SLC39A12: variants seen among roughly 807,000 people sequenced by gnomAD.
SLC39A12 encodes the protein zinc transporter ZIP12.
A neutral mutation model predicts 71.1 loss-of-function variants in SLC39A12; 63 were observed. That is an observed-to-expected ratio of 0.89 (90% CI 0.72 to 1.09). The LOEUF (loss-of-function observed/expected upper bound fraction) is 1.09, where lower values mean the gene tolerates loss of function less well. Ranked by LOEUF, SLC39A12 falls within the 50% of genes least tolerant of loss-of-function variation. The probability of loss-of-function intolerance (pLI) is 0.00; values close to 1 mark genes in which losing one functional copy is unlikely to be tolerated. For missense variants in SLC39A12, 892 were observed against 812.6 expected, an observed-to-expected ratio of 1.10 and a Z score of -1.19; for synonymous variants, 351 against 301.3, an observed-to-expected ratio of 1.16 and a Z score of -1.71.
chr10:18,016,582 A>G (rs1337990967), intron 12 of SLC39A12, among the ~76,000 whole-genome samples: 1 of 152,198 alleles, frequency 6.6e-6, no homozygotes, highest in Non-Finnish European at 1.5e-5. Flanking sequence ...TTGCTGGATT[A>G]CATGATAAGT....
chr10:18,014,732 AT>A (rs1483306722), intron 12 of SLC39A12, among the ~76,000 whole-genome samples: 5 of 152,052 alleles, frequency 3.3e-5, no homozygotes, highest in Non-Finnish European at 5.9e-5. Context: ...CCTTGCATGA[AT>A]TTTTTTCTTG....
chr10:17,953,586 GC>G, intron 2 of SLC39A12, 49 bp downstream of exon 2: 1 of 1,589,514 alleles, frequency 6.3e-7, no homozygotes, highest in Middle Eastern at 1.9e-4. Context: ...CCAAAAGAAA[GC>G]AATGGATTCT....
intron 12 of SLC39A12, among the ~76,000 whole-genome samples, chr10:18,015,047 A>T (rs1836337910): frequency 6.6e-6 from 1 of 152,184 alleles, no homozygotes; most frequent in East Asian, 1.9e-4. Context: ...CACTTTTTGG[A>T]TTTGTAAAGG....
intron 10 of SLC39A12, among the ~76,000 whole-genome samples, chr10:17,997,210 G>C (rs1040573495): frequency 1.3e-5 from 2 of 152,094 alleles, no homozygotes; most frequent in Non-Finnish European, 2.9e-5. Flanking sequence ...AAATAAGCAT[G>C]ATCTTTATCA....
In SLC39A12 at chr10:17,953,443, C is replaced by T. The variant is rs140153104; in HGVS notation, c.167C>T (p.Pro56Leu). 13 of 1,614,064 alleles carry T rather than the reference C, an allele frequency of 8.1e-6. No homozygotes were observed. The highest frequency in any genetic ancestry group is 1.3e-5 in the African/African-American group (1 of 74,928). The change falls in exon 2 of 13, where the codon CCA becomes CTA. Residue 56 changes from proline (P) to leucine (L), a missense_variant. Transcript: ENST00000377369. ...CAGGTTCTCTCTGCTGGTGACCACC[C>T]ACCCCACAACCACTCAAGAAGCCTC... is the stretch of plus-strand genomic sequence containing the variant. ...LLQVLSAGDH[P>L]PHNHSRSLIK...
intron 12 of SLC39A12, among the ~76,000 whole-genome samples, chr10:18,039,288 T>C (rs1189584838): frequency 6.6e-6 from 1 of 152,154 alleles, no homozygotes; most frequent in African/African-American, 2.4e-5. Flanking sequence ...GTAATCAAGG[T>C]TTGAGCCTGT....
At chr10:18,026,322 G>A (rs1246131845) in intron 12 of SLC39A12, among the ~76,000 whole-genome samples, 2 of 152,028 alleles carry the variant, frequency 1.3e-5, no homozygotes, top group Non-Finnish European at 2.9e-5. Context: ...ATTTAGTAGG[G>A]TGCAGGATTT....
rs556605898 is a variant in SLC39A12 at position 17,967,802 on chromosome 10, G to A, written c.751+2112G>A. 7.3e-4 allele frequency among the ~76,000 whole-genome samples: 110 copies of A among 151,064 alleles called. 6 individuals are homozygous for A. In the South Asian group the frequency reaches 0.023, roughly 31 times the overall value. On this transcript the variant is annotated intron_variant, in intron 4 of 12. Coordinates refer to ENST00000377369, the MANE Select transcript of SLC39A12 (RefSeq NM_001145195.2). ...CTCGGGAGGCTGAGGCAGGAGAATG[G>A]TGTGAACCCAGGAGGCGGAGCTGGC... is the stretch of plus-strand genomic sequence containing the variant.
chr10:17,983,242 G>A (rs1835313608), intron 6 of SLC39A12, among the ~76,000 whole-genome samples: 1 of 148,430 alleles, frequency 6.7e-6, no homozygotes, highest in African/African-American at 2.5e-5. Context: ...TGTAGTCCTA[G>A]TACTTTGGGA....
intron 4 of SLC39A12, among the ~76,000 whole-genome samples, chr10:17,966,376 C>T (rs1413102384): frequency 1.3e-5 from 2 of 152,036 alleles, no homozygotes; most frequent in Non-Finnish European, 2.9e-5. Context: ...AGTGGTGGGA[C>T]CGTAATTCAC....
At chr10:18,003,587 G>A (rs942260726) in intron 12 of SLC39A12, among the ~76,000 whole-genome samples, 1 of 152,194 alleles carries the variant, frequency 6.6e-6, no homozygotes, top group African/African-American at 2.4e-5. Flanking sequence ...AGTGACAGGT[G>A]TGTGATAGCA....
intron 12 of SLC39A12, among the ~76,000 whole-genome samples, chr10:18,037,363 C>G (rs1221515202): frequency 6.6e-6 from 1 of 152,074 alleles, no homozygotes; most frequent in Non-Finnish European, 1.5e-5. Context: ...CCAATTCGCC[C>G]TTGGTCATAA....
At chr10:18,016,683 G>A (rs1461587598) in intron 12 of SLC39A12, among the ~76,000 whole-genome samples, 1 of 152,196 alleles carries the variant, frequency 6.6e-6, no homozygotes, top group Non-Finnish European at 1.5e-5. Flanking sequence ...AGTTCCAGTT[G>A]CTCTACATCC....
At chr10:17,955,024 A>T (rs963408224) in intron 2 of SLC39A12, among the ~76,000 whole-genome samples, 4 of 152,228 alleles carry the variant, frequency 2.6e-5, no homozygotes, top group African/African-American at 9.6e-5. Context: ...ATAGATGGCA[A>T]CACAAGATGT....
chr10:18,008,394 A>G (rs1456383221), intron 12 of SLC39A12, among the ~76,000 whole-genome samples: 1 of 152,170 alleles, frequency 6.6e-6, no homozygotes, highest in Non-Finnish European at 1.5e-5. Context: ...GATGGGGCCG[A>G]CTAGTTGCAG....
chr10:18,025,128 T>G (rs1455485932), intron 12 of SLC39A12, among the ~76,000 whole-genome samples: 1 of 152,236 alleles, frequency 6.6e-6, no homozygotes, highest in Non-Finnish European at 1.5e-5. Context: ...TACTGTTTCT[T>G]ATTCATTACT....
intron 4 of SLC39A12, among the ~76,000 whole-genome samples, chr10:17,973,900 T>A (rs1435406027): frequency 6.6e-6 from 1 of 151,298 alleles, no homozygotes; most frequent in South Asian, 2.1e-4. Flanking sequence ...GTGCTTTATT[T>A]TTTTTTTTAA....
At chr10:18,026,627 T>C (rs931949515) in intron 12 of SLC39A12, among the ~76,000 whole-genome samples, 13 of 152,168 alleles carry the variant, frequency 8.5e-5, no homozygotes, top group African/African-American at 3.1e-4. Context: ...TCTGGTGTTT[T>C]GTCTCTTTCT....
At chr10:17,979,012 G>A (rs939065522) in intron 5 of SLC39A12, among the ~76,000 whole-genome samples, 1 of 152,130 alleles carries the variant, frequency 6.6e-6, no homozygotes, top group African/African-American at 2.4e-5. Flanking sequence ...AAGAAGCCCT[G>A]CAAGTAATTC....
Sources: gnomAD v4.1 joint callset for allele counts (sites outside exome capture counted in the v4.1 genomes callset) on GRCh38, gnomAD v4.1.1 for gene constraint, MANE v1.5 for transcripts, NCBI Gene and HGNC (gene_info 2026-07-23, HGNC 2026-07-21) for gene names.